Variants in SLC9A7 observed in about 807,000 individuals in gnomAD.
SLC9A7 encodes the protein sodium/hydrogen exchanger 7.
SLC9A7 carries 19 observed loss-of-function variants against 52.6 expected under a neutral mutation model. The observed-to-expected ratio is 0.36, with a 90% CI of 0.25 to 0.53. The LOEUF is 0.53. Ranked by LOEUF, SLC9A7 falls within the 20% of genes least tolerant of loss-of-function variation. The pLI, the probability that SLC9A7 is intolerant of heterozygous loss-of-function variation, is 0.91. For missense variants in SLC9A7, 455 were observed against 597.9 expected (o/e 0.76, Z 2.49); for synonymous variants, 226 against 252.1 (o/e 0.90, Z 0.98).
intron 1 of SLC9A7, among the ~76,000 whole-genome samples, chrX:46,710,385 C>T (rs1944668970): frequency 1.8e-5 from 2 of 111,823 alleles, no homozygotes; most frequent in South Asian, 3.7e-4. Flanking sequence ...ACAGTGAGGG[C>T]CCCCATAGAT....
intron 8 of SLC9A7, among the ~76,000 whole-genome samples, chrX:46,652,435 C>T (rs981916255): frequency 0.038 from 26 of 686 alleles, no homozygotes; most frequent in Admixed American, 0.32. Context: ...TATAGGCATG[C>T]GCACTGTGCC....
chrX:46,643,460 C>T, intron 11 of SLC9A7, 71 bp from the exon 12 acceptor site: 1 of 1,014,448 alleles, frequency 9.9e-7, no homozygotes. Flanking sequence ...TGCACTGCTG[C>T]CATTTGGGGC....
At chrX:46,652,566 C>A (rs934164215) in intron 8 of SLC9A7, among the ~76,000 whole-genome samples, 3 of 112,101 alleles carry the variant, frequency 2.7e-5, no homozygotes, top group Non-Finnish European at 5.6e-5. Flanking sequence ...TTGTGCGAGA[C>A]AAATGACACA....
rs1295729977 is a variant in SLC9A7 at position 46,657,559 on chromosome X, CA to C, written c.1042-3846del. 1.6e-4 allele frequency among the ~76,000 whole-genome samples: 17 copies of C among 107,300 alleles called. No individual in the cohort carries two copies. The Admixed American group carries it at 1.6e-3, about 10-fold the overall frequency. The allele number at this position is 107,300 out of a possible 115,157, so 93.2% of individuals were successfully genotyped here. A position where few individuals can be genotyped will look rare whatever the true frequency, so the allele number is the denominator to read the frequency against. On this transcript the variant is annotated intron_variant, in intron 7 of 16. Coordinates refer to ENST00000616978, the MANE Select transcript of SLC9A7 (RefSeq NM_001257291.2). ...CAAGCAAATGGAAAACAAAAAAAGG[CA>C]GGGGTTGCAATCCTAGTCTCTGATA...
At chrX:46,744,675 T>C (rs747110970) in intron 1 of SLC9A7, among the ~76,000 whole-genome samples, 1 of 112,298 alleles carries the variant, frequency 8.9e-6, no homozygotes, top group Admixed American at 9.5e-5. Flanking sequence ...CTCAGTAACA[T>C]GTTAAGTTTA....
At chrX:46,625,527 T>C (rs892496337) in intron 14 of SLC9A7, among the ~76,000 whole-genome samples, 3 of 110,306 alleles carry the variant, frequency 2.7e-5, no homozygotes, top group African/African-American at 9.9e-5. Context: ...CTGGCCATCA[T>C]GGCGAAACCC....
intron 1 of SLC9A7, among the ~76,000 whole-genome samples, chrX:46,733,628 T>G (rs968575482): frequency 2.7e-5 from 3 of 111,221 alleles, no homozygotes; most frequent in Non-Finnish European, 5.7e-5. Flanking sequence ...GTAATGGAGT[T>G]AGAATCAAAG....
intron 1 of SLC9A7, among the ~76,000 whole-genome samples, chrX:46,748,356 AAAG>A (rs1351329465): frequency 1.7e-3 from 70 of 40,377 alleles, no homozygotes; most frequent in Middle Eastern, 9.9e-3. Context: ...AAAAAAAAAA[AAAG>A]AAAGAAAGGA....
chrX:46,646,138 C>T (rs1230110156), intron 11 of SLC9A7, among the ~76,000 whole-genome samples: 1 of 110,315 alleles, frequency 9.1e-6, no homozygotes, highest in Non-Finnish European at 1.9e-5. Context: ...CATTCATCTT[C>T]CACTGGAATG....
intron 1 of SLC9A7, among the ~76,000 whole-genome samples, chrX:46,742,645 T>C (rs1429590685): frequency 8.9e-6 from 1 of 112,536 alleles, no homozygotes; most frequent in Non-Finnish European, 1.9e-5. Context: ...CAAGTCTTCA[T>C]CTTGGTTGTG....
At chrX:46,644,744 A>G (rs1199860027) in intron 11 of SLC9A7, among the ~76,000 whole-genome samples, 3 of 111,953 alleles carry the variant, frequency 2.7e-5, no homozygotes, top group Admixed American at 1.9e-4. Context: ...GAAAACTTAG[A>G]CCTACTATAT....
At chrX:46,674,950 T>G (rs1283631775) in intron 3 of SLC9A7, among the ~76,000 whole-genome samples, 1 of 111,217 alleles carries the variant, frequency 9.0e-6, no homozygotes, top group Non-Finnish European at 1.9e-5. Context: ...CTCACACTGC[T>G]ACTCCTTGGG....
At chrX:46,651,832 GA>G (rs1211578593) in intron 8 of SLC9A7, among the ~76,000 whole-genome samples, 1,287 of 44,363 alleles carry the variant, frequency 0.029, 23 homozygotes, top group African/African-American at 0.088. Flanking sequence ...TTTCTCAAAA[GA>G]AAAAAAAAAA....
chrX:46,730,375 G>A (rs1341425755), intron 1 of SLC9A7, among the ~76,000 whole-genome samples: 1 of 109,239 alleles, frequency 9.2e-6, no homozygotes, highest in Non-Finnish European at 1.9e-5. Flanking sequence ...CATAATGGAT[G>A]AGGCTGGGTG....
chrX:46,689,344 A>T (rs1282035956), intron 1 of SLC9A7, among the ~76,000 whole-genome samples: 1 of 112,255 alleles, frequency 8.9e-6, no homozygotes, highest in Non-Finnish European at 1.9e-5. Flanking sequence ...GTGAATTAAC[A>T]CTTCATCTCA....
chrX:46,698,747 C>A (rs1339810806), intron 1 of SLC9A7, among the ~76,000 whole-genome samples: 2 of 111,846 alleles, frequency 1.8e-5, no homozygotes, highest in Non-Finnish European at 3.8e-5. Flanking sequence ...TAACATATTA[C>A]CTTTTCAATA....
rs750072251 is a variant in SLC9A7, at chrX:46,723,386, T to C, written c.325+35319A>G. On this transcript the variant is annotated intron_variant, in intron 1 of 16. Coordinates refer to ENST00000616978, the MANE Select transcript of SLC9A7 (RefSeq NM_001257291.2). Reference sequence around the variant, plus strand: ...AAAAACACCACCACAAAGCAATGTCTGAATCCCTGAGTCAGCCCCAAATGC... The same window carrying C: ...AAAAACACCACCACAAAGCAATGTCCGAATCCCTGAGTCAGCCCCAAATGC... 1.1e-4 allele frequency among the ~76,000 whole-genome samples: 12 copies of C among 107,969 alleles called. No individual in the cohort carries two copies. The South Asian group carries it at 4.5e-3, about 41-fold the overall frequency. The allele number at this position is 107,969 out of a possible 115,157, so 93.8% of individuals were successfully genotyped here.
rs1244284306 is a variant in SLC9A7 at position 46,599,593 on chromosome X, A to AACAT, written c.*7355_*7358dup. On this transcript the variant is annotated 3_prime_UTR_variant, in exon 17 of 17. Coordinates refer to ENST00000616978, the MANE Select transcript of SLC9A7 (RefSeq NM_001257291.2). Reference sequence around the variant, plus strand: ...TGGCTAGCTTTACAATAGCAATCTAAACATACACAAAGGCAAACATTGAGT... The same window carrying AACAT: ...TGGCTAGCTTTACAATAGCAATCTAAACATACATACACAAAGGCAAACATTGAGT... The AACAT allele has an allele frequency of 1.8e-5, 2 of 112,244 alleles. No homozygotes were observed. Among genetic ancestry groups the AACAT allele is most frequent in the African/African-American group, 6.5e-5 (2 of 30,910 alleles). The allele number at this position is 112,244 out of a possible 1,213,427, so 9.3% of individuals were successfully genotyped here. A position where few individuals can be genotyped will look rare whatever the true frequency, so the allele number is the denominator to read the frequency against.
intron 11 of SLC9A7, 34 bp downstream of exon 11, chrX:46,648,652 A>G (rs1257893420): frequency 9.7e-7 from 1 of 1,028,600 alleles, no homozygotes; most frequent in Non-Finnish European, 1.4e-6. Flanking sequence ...CCTGCTGAAT[A>G]AAACTCATTT....
Sources: allele counts gnomAD v4.1 joint callset (sites outside exome capture counted in the v4.1 genomes callset), GRCh38; gene constraint gnomAD v4.1.1; transcripts MANE v1.5; gene names NCBI Gene and HGNC (gene_info 2026-07-23, HGNC 2026-07-21).